Variants in PPFIA2 observed in about 807,000 individuals in gnomAD.
The protein encoded by PPFIA2 is liprin-alpha-2.
Under a neutral mutation model 175.5 loss-of-function variants are expected in PPFIA2, and 46 were observed. That is an observed-to-expected ratio of 0.26 (90% CI 0.21 to 0.34). The LOEUF (loss-of-function observed/expected upper bound fraction) is 0.34. Among genes scored for constraint, PPFIA2 ranks in the 10% least tolerant of loss-of-function variants. The pLI is 1.00. For synonymous variants in PPFIA2, 568 were observed against 511.4 expected, an observed-to-expected ratio of 1.11 and a Z score of -1.49; for missense variants, 1,179 against 1,506.1, an observed-to-expected ratio of 0.78 and a Z score of 3.60.
intron 22 of PPFIA2, among the ~76,000 whole-genome samples, chr12:81,322,499 A>G (rs1338801016): frequency 6.6e-6 from 1 of 152,198 alleles, no homozygotes; most frequent in Non-Finnish European, 1.5e-5. Flanking sequence ...AGGAGCCTAC[A>G]GAGAAACTGC....
chr12:81,328,846 C>T (rs1262684990), intron 21 of PPFIA2, among the ~76,000 whole-genome samples: 18 of 135,130 alleles, frequency 1.3e-4, no homozygotes, highest in Non-Finnish European at 2.6e-4. Flanking sequence ...AACAGGGTCT[C>T]AGTCTCTCTC....
intron 4 of PPFIA2, among the ~76,000 whole-genome samples, chr12:81,513,698 A>T (rs1444783799): frequency 1.3e-5 from 2 of 152,040 alleles, no homozygotes; most frequent in Non-Finnish European, 2.9e-5. Flanking sequence ...AAATGATTTT[A>T]TGTAGTTTTA....
chr12:81,306,732 G>C (rs533934861), intron 22 of PPFIA2, among the ~76,000 whole-genome samples: 2 of 151,604 alleles, frequency 1.3e-5, no homozygotes, highest in Non-Finnish European at 2.9e-5. Flanking sequence ...AGTAGAGATG[G>C]GGTTTCACCA....
chr12:81,495,786 G>T (rs1285650042), intron 4 of PPFIA2, among the ~76,000 whole-genome samples: 1 of 152,206 alleles, frequency 6.6e-6, no homozygotes, highest in Non-Finnish European at 1.5e-5. Context: ...CTGCACTTTA[G>T]CCTGGGCAAC....
chr12:81,721,513 C>G (rs957765015), intron 3 of PPFIA2, among the ~76,000 whole-genome samples: 1 of 150,760 alleles, frequency 6.6e-6, no homozygotes, highest in African/African-American at 2.4e-5. Context: ...GCAATTTTAT[C>G]TCTACAACTT....
intron 22 of PPFIA2, among the ~76,000 whole-genome samples, chr12:81,302,389 G>T (rs145123126): frequency 6.6e-6 from 1 of 152,098 alleles, no homozygotes; most frequent in Non-Finnish European, 1.5e-5. Flanking sequence ...ATGAACAGAA[G>T]TATTGATAAC....
intron 14 of PPFIA2, among the ~76,000 whole-genome samples, chr12:81,363,963 C>T (rs371893836): frequency 2.6e-5 from 4 of 151,746 alleles, no homozygotes; most frequent in East Asian, 1.9e-4. Flanking sequence ...AATGTCTTGC[C>T]CTCATGCAAT....
intron 4 of PPFIA2, among the ~76,000 whole-genome samples, chr12:81,498,690 T>C (rs535825349): frequency 3.9e-5 from 6 of 152,292 alleles, no homozygotes; most frequent in African/African-American, 1.4e-4. Context: ...AGTGGCGTGA[T>C]CTCGGCTCAC....
intron 28 of PPFIA2, among the ~76,000 whole-genome samples, chr12:81,276,714 C>G (rs2040623724): frequency 6.6e-6 from 1 of 152,024 alleles, no homozygotes; most frequent in Admixed American, 6.6e-5. Flanking sequence ...TATGGAGTGT[C>G]TTTTCTTGTT....
intron 7 of PPFIA2, chr12:81,431,277 C>T (rs1349057499): frequency 2.6e-5 from 4 of 152,152 alleles, no homozygotes; most frequent in African/African-American, 2.4e-5. Context: ...AAAGAGAACA[C>T]ATTGTTAGGA....
intron 3 of PPFIA2, among the ~76,000 whole-genome samples, chr12:81,730,256 G>A (rs552866350): frequency 1.3e-5 from 2 of 151,622 alleles, no homozygotes; most frequent in South Asian, 4.1e-4. Context: ...TGAATATTAA[G>A]AACTATTCAA....
At chr12:81,342,030 G>A (rs1330422113) in intron 19 of PPFIA2, among the ~76,000 whole-genome samples, 1 of 152,034 alleles carries the variant, frequency 6.6e-6, no homozygotes, top group Non-Finnish European at 1.5e-5. Context: ...AGATAGTAAT[G>A]TTTTCAAATT....
In PPFIA2 at chr12:81,396,027, T is replaced by A. The variant is rs574983689; in HGVS notation, c.762+9760A>T. On this transcript the variant is annotated intron_variant, in intron 8 of 32. Transcript: ENST00000549396. ...TAATCTGCCTTCCCTCAATTCATTT[T>A]CAGCAAACCTTTAGAGGGTGGAAGA... is the stretch of plus-strand genomic sequence containing the variant. 1.1e-3 allele frequency among the ~76,000 whole-genome samples: 166 copies of A among 152,208 alleles called. 4 individuals are homozygous for A. The South Asian group carries it at 0.034, about 31-fold the overall frequency.
chr12:81,353,373 T>C (rs1289314776), intron 16 of PPFIA2, 34 bp from the exon 17 acceptor site: 2 of 1,422,526 alleles, frequency 1.4e-6, no homozygotes, highest in African/African-American at 1.4e-5. Flanking sequence ...AGAATATTTA[T>C]CATATTGCTC....
intron 4 of PPFIA2, among the ~76,000 whole-genome samples, chr12:81,636,659 G>GT (rs1326283648): frequency 2.6e-5 from 4 of 151,110 alleles, no homozygotes; most frequent in Non-Finnish European, 1.5e-5. Context: ...GGTTTGTTTT[G>GT]TTTTTTGTTT....
intron 4 of PPFIA2, among the ~76,000 whole-genome samples, chr12:81,501,444 C>A (rs1026875001): frequency 2.0e-5 from 3 of 152,082 alleles, no homozygotes; most frequent in Non-Finnish European, 4.4e-5. Context: ...TGCTTGACCT[C>A]TTTTGTTTAC....
chr12:81,702,340 G>C (rs2076598162), intron 3 of PPFIA2, among the ~76,000 whole-genome samples: 1 of 152,044 alleles, frequency 6.6e-6, no homozygotes, highest in African/African-American at 2.4e-5. Flanking sequence ...TATTGCCATT[G>C]ACTGCCAAAT....
At chr12:81,729,168 T>A (rs1489329637) in intron 3 of PPFIA2, among the ~76,000 whole-genome samples, 1 of 151,510 alleles carries the variant, frequency 6.6e-6, no homozygotes, top group South Asian at 2.1e-4. Context: ...TCTGTTTTTT[T>A]ATAGGGTCCA....
intron 4 of PPFIA2, among the ~76,000 whole-genome samples, chr12:81,469,463 G>A (rs1174385910): frequency 2.0e-5 from 3 of 152,186 alleles, no homozygotes; most frequent in Admixed American, 6.5e-5. Context: ...CCTGTAGGAG[G>A]GTATGTGCGT....
Sources: allele counts gnomAD v4.1 joint callset (sites outside exome capture counted in the v4.1 genomes callset), GRCh38; gene constraint gnomAD v4.1.1; transcripts MANE v1.5; gene names NCBI Gene and HGNC (gene_info 2026-07-23, HGNC 2026-07-21).